Variants in COMMD10 observed in about 807,000 individuals in gnomAD.
COMMD10 encodes COMM domain containing 10.
COMMD10 carries 33 observed loss-of-function variants against 28.9 expected under a neutral mutation model. The observed-to-expected ratio is 1.14, with a 90% CI of 0.87 to 1.53. The LOEUF is 1.53. Among genes scored for constraint, COMMD10 ranks in the 40% most tolerant of loss-of-function variants. COMMD10 has a pLI of 0.00. For missense variants in COMMD10, 310 were observed against 233.4 expected (o/e 1.33, Z -2.14); for synonymous variants, 110 against 81.7 (o/e 1.35, Z -1.87).
At chr5:116,217,936 A>C (rs1749148230) in intron 5 of COMMD10, 1 of 730,676 alleles carries the variant, frequency 1.4e-6, no homozygotes, top group African/African-American at 1.8e-5. Flanking sequence ...GTAAAACAAA[A>C]TTTTGCATTT....
intron 5 of COMMD10, among the ~76,000 whole-genome samples, chr5:116,139,746 T>G (rs1207034133): frequency 6.6e-6 from 1 of 151,736 alleles, no homozygotes; most frequent in Non-Finnish European, 1.5e-5. Context: ...CTCACATATT[T>G]AACATTGTTG....
At chr5:116,269,492 T>C (rs922393220) in intron 5 of COMMD10, among the ~76,000 whole-genome samples, 10 of 151,884 alleles carry the variant, frequency 6.6e-5, no homozygotes, top group Non-Finnish European at 7.4e-5. Context: ...AAAAATCTTA[T>C]GCAGTTCAAG....
chr5:116,236,591 A>G (rs539495963), intron 5 of COMMD10, among the ~76,000 whole-genome samples: 52 of 152,086 alleles, frequency 3.4e-4, no homozygotes, highest in African/African-American at 1.2e-3. Flanking sequence ...ACTCAAGCCA[A>G]TGTGAAAAGA....
chr5:116,233,907 A>G (rs1749592616), intron 5 of COMMD10, among the ~76,000 whole-genome samples: 1 of 152,208 alleles, frequency 6.6e-6, no homozygotes, highest in African/African-American at 2.4e-5. Context: ...TAGAAAATCA[A>G]ACCTCAAAAT....
chr5:116,143,593 CAG>C (rs1374195151), intron 5 of COMMD10, among the ~76,000 whole-genome samples: 4 of 151,706 alleles, frequency 2.6e-5, no homozygotes, highest in Non-Finnish European at 2.9e-5. Flanking sequence ...ATTTTTAAAA[CAG>C]AATATGTTTA....
chr5:116,185,694 G>A (rs146120296), intron 5 of COMMD10, among the ~76,000 whole-genome samples: 6 of 152,222 alleles, frequency 3.9e-5, no homozygotes, highest in Non-Finnish European at 5.9e-5. Context: ...TAGCTCTTGC[G>A]TTGAACTCTA....
intron 5 of COMMD10, among the ~76,000 whole-genome samples, chr5:116,153,001 G>C (rs10051302): frequency 0.49 from 74,261 of 151,804 alleles, 21,536 homozygotes; most frequent in Non-Finnish European, 0.65. Context: ...AGGTATTTTA[G>C]ATTGGCATGG....
At chr5:116,222,408 GT>G in intron 5 of COMMD10, among the ~76,000 whole-genome samples, 1 of 152,090 alleles carries the variant, frequency 6.6e-6, no homozygotes, top group East Asian at 1.9e-4. Context: ...AACAATTATA[GT>G]TTCTGTACCC....
chr5:116,139,124 A>G (rs1029304059), intron 5 of COMMD10, among the ~76,000 whole-genome samples: 1 of 151,748 alleles, frequency 6.6e-6, no homozygotes, highest in Non-Finnish European at 1.5e-5. Flanking sequence ...TGAAATTGTA[A>G]TATGTGTATA....
chr5:116,278,223 C>A (rs750544464), intron 5 of COMMD10, among the ~76,000 whole-genome samples: 2 of 151,690 alleles, frequency 1.3e-5, no homozygotes, highest in African/African-American at 2.4e-5. Flanking sequence ...TTTTAGCTGT[C>A]AATGCTCTTT....
At chr5:116,134,261 G>T in intron 5 of COMMD10, 83 bp downstream of exon 5, 1 of 732,244 alleles carries the variant, frequency 1.4e-6, no homozygotes, top group Non-Finnish European at 2.4e-6. Context: ...TTGCTCTCTG[G>T]ATTTAGAATT....
intron 5 of COMMD10, among the ~76,000 whole-genome samples, chr5:116,167,949 G>A (rs533122928): frequency 6.6e-6 from 1 of 152,140 alleles, no homozygotes; most frequent in African/African-American, 2.4e-5. Flanking sequence ...ACCAGCTACT[G>A]TCATAATAAC....
chr5:116,274,158 G>C (rs896141434), intron 5 of COMMD10, among the ~76,000 whole-genome samples: 8 of 151,824 alleles, frequency 5.3e-5, no homozygotes, highest in African/African-American at 1.9e-4. Flanking sequence ...ATTCAGTACA[G>C]CAGATTTATA....
chr5:116,127,138 A>G (rs571664302), intron 4 of COMMD10, among the ~76,000 whole-genome samples: 1 of 152,344 alleles, frequency 6.6e-6, no homozygotes, highest in East Asian at 1.9e-4. Flanking sequence ...CACTTCTCAA[A>G]AGAAGACATT....
chr5:116,236,835 T>C (rs1174223562), intron 5 of COMMD10, among the ~76,000 whole-genome samples: 1 of 152,156 alleles, frequency 6.6e-6, no homozygotes, highest in Non-Finnish European at 1.5e-5. Flanking sequence ...GATCTGTCAG[T>C]ATAGGTTCAT....
chr5:116,200,321 G>GT (rs962613805), intron 5 of COMMD10, among the ~76,000 whole-genome samples: 1 of 151,726 alleles, frequency 6.6e-6, no homozygotes, highest in East Asian at 1.9e-4. Flanking sequence ...TAAGTAAGGT[G>GT]TTTTTTTCAC....
At chr5:116,248,133 CAAA>C (rs35046766) in intron 5 of COMMD10, among the ~76,000 whole-genome samples, 1 of 145,324 alleles carries the variant, frequency 6.9e-6, no homozygotes. Flanking sequence ...TGTGCTAAGC[CAAA>C]AAAAAAAAAA....
At chr5:116,278,769 G>A (rs367796429) in intron 5 of COMMD10, among the ~76,000 whole-genome samples, 1 of 151,704 alleles carries the variant, frequency 6.6e-6, no homozygotes, top group African/African-American at 2.4e-5. Context: ...GCTTGAGGTG[G>A]GGACCTTCAA....
rs139244449 is a variant in COMMD10, at chr5:116,205,431, T to C, written c.510+71253T>C. ...CATCTTCTGAAAGCAGTAATCATTC[T>C]TTACCTGGAGGAAAAGATTCCAGTA... is the stretch of plus-strand genomic sequence containing the variant. On this transcript the variant is annotated intron_variant, in intron 5 of 6. Transcript: ENST00000274458. Among the ~76,000 whole-genome samples the C allele has an allele frequency of 8.5e-3, 1,291 of 152,302 alleles. 19 individuals are homozygous for C. The highest frequency in any genetic ancestry group is 0.03 in the African/African-American group (1,234 of 41,580).
Sources: gnomAD v4.1 joint callset for allele counts (sites outside exome capture counted in the v4.1 genomes callset) on GRCh38, gnomAD v4.1.1 for gene constraint, MANE v1.5 for transcripts, NCBI Gene and HGNC (gene_info 2026-07-23, HGNC 2026-07-21) for gene names.